MEMO1: variants seen among roughly 807,000 people sequenced by gnomAD.
MEMO1 encodes mediator of cell motility 1, also known as protein MEMO1.
In MEMO1, 6 loss-of-function variants were observed where a neutral mutation model predicts 45.2. The ratio of observed to expected loss-of-function variants is 0.13; its 90% confidence interval spans 0.07 to 0.26. MEMO1 has a LOEUF of 0.26. Ranked by LOEUF, MEMO1 falls within the 10% of genes least tolerant of loss-of-function variation. The probability of loss-of-function intolerance (pLI) is 1.00; values close to 1 mark genes in which losing one functional copy is unlikely to be tolerated. For synonymous variants in MEMO1, 78 were observed against 124.3 expected (o/e 0.63, Z 2.48); for missense variants, 184 against 370.5 (o/e 0.50, Z 4.13).
intron 6 of MEMO1, among the ~76,000 whole-genome samples, chr2:31,916,795 T>C (rs982615967): frequency 3.3e-5 from 5 of 152,206 alleles, no homozygotes; most frequent in African/African-American, 1.2e-4. Flanking sequence ...GTTATCATTG[T>C]GAGCAGAAGC....
chr2:31,902,630 G>T (rs934362924), intron 6 of MEMO1, among the ~76,000 whole-genome samples: 3 of 152,082 alleles, frequency 2.0e-5, no homozygotes, highest in Non-Finnish European at 4.4e-5. Flanking sequence ...TAACACAGAG[G>T]AATCTTTTAG....
At chr2:31,999,882 ATTTTTT>A (rs5830219) in intron 2 of MEMO1, among the ~76,000 whole-genome samples, 2 of 123,118 alleles carry the variant, frequency 1.6e-5, no homozygotes, top group African/African-American at 6.2e-5. Context: ...TGCATCAGGC[ATTTTTT>A]TTTTTTTTTT....
rs565873806 is a variant in MEMO1, at chr2:31,973,151, T to C, written c.62-29768A>G. Among the ~76,000 whole-genome samples, 278 of 152,220 alleles carry C rather than the reference T, an allele frequency of 1.8e-3. 2 individuals carry two copies. Among genetic ancestry groups the C allele is most frequent in the African/African-American group, 6.4e-3 (267 of 41,528 alleles). Reference sequence around the variant, plus strand: ...CCCACCAATTCCACTCTTAGGTATATATCTAAAAGAATTAAAAACAGGCTG... The same window carrying C: ...CCCACCAATTCCACTCTTAGGTATACATCTAAAAGAATTAAAAACAGGCTG... On this transcript the variant is annotated intron_variant, in intron 2 of 9. Coordinates refer to ENST00000404530, the MANE Select transcript of MEMO1 (RefSeq NM_001301833.4).
intron 2 of MEMO1, among the ~76,000 whole-genome samples, chr2:31,977,934 T>C (rs964580860): frequency 6.6e-6 from 1 of 152,198 alleles, no homozygotes; most frequent in Non-Finnish European, 1.5e-5. Flanking sequence ...GTTAATAATC[T>C]AGGATATTGC....
At chr2:31,937,101 C>T (rs1164153342) in intron 3 of MEMO1, among the ~76,000 whole-genome samples, 1 of 152,178 alleles carries the variant, frequency 6.6e-6, no homozygotes, top group Non-Finnish European at 1.5e-5. Context: ...CACATTGCCT[C>T]TCTCAATTTA....
At chr2:31,877,690 G>T (rs1674749556) in intron 8 of MEMO1, among the ~76,000 whole-genome samples, 1 of 152,158 alleles carries the variant, frequency 6.6e-6, no homozygotes, top group Non-Finnish European at 1.5e-5. Flanking sequence ...ACATACGTGT[G>T]TAAGTGTGTA....
chr2:31,924,417 T>A (rs1682778039), intron 4 of MEMO1, among the ~76,000 whole-genome samples: 1 of 149,816 alleles, frequency 6.7e-6, no homozygotes, highest in Admixed American at 6.7e-5. Flanking sequence ...AACTTTTCAA[T>A]ATTAGCACAT....
At chr2:31,994,785 C>A (rs946390867) in intron 2 of MEMO1, among the ~76,000 whole-genome samples, 1 of 150,914 alleles carries the variant, frequency 6.6e-6, no homozygotes, top group African/African-American at 2.4e-5. Flanking sequence ...CTGTCTCTAC[C>A]AAAAATACAA....
chr2:31,924,192 G>A (rs1234983112), intron 4 of MEMO1, among the ~76,000 whole-genome samples: 1 of 152,080 alleles, frequency 6.6e-6, no homozygotes, highest in Non-Finnish European at 1.5e-5. Context: ...TAAACCAGCC[G>A]TAATCTCAAA....
chr2:31,984,649 C>A (rs894325300), intron 2 of MEMO1, among the ~76,000 whole-genome samples: 1 of 151,972 alleles, frequency 6.6e-6, no homozygotes, highest in Admixed American at 6.6e-5. Flanking sequence ...AAAACACAAA[C>A]AAAAAAATTA....
At chr2:31,902,620 T>C (rs1253558287) in intron 6 of MEMO1, among the ~76,000 whole-genome samples, 1 of 152,238 alleles carries the variant, frequency 6.6e-6, no homozygotes, top group South Asian at 2.1e-4. Context: ...AATTCTTTAG[T>C]AACACAGAGG....
chr2:31,986,656 A>T (rs1671297711), intron 2 of MEMO1, among the ~76,000 whole-genome samples: 1 of 152,220 alleles, frequency 6.6e-6, no homozygotes. Flanking sequence ...AGAACAGTAA[A>T]CAAGACAGGC....
At chr2:31,925,377 G>C (rs919386040) in intron 4 of MEMO1, among the ~76,000 whole-genome samples, 1 of 148,996 alleles carries the variant, frequency 6.7e-6, no homozygotes, top group Non-Finnish European at 1.5e-5. Context: ...TCAGGAGGCT[G>C]AGGCAGGAGA....
chr2:31,918,151 A>G, intron 5 of MEMO1, 114 bp from the exon 6 acceptor site: 1 of 518,364 alleles, frequency 1.9e-6, no homozygotes, highest in East Asian at 3.3e-5. Context: ...CAGAAACACC[A>G]TATAATATTC....
chr2:31,954,650 T>C (rs1230473624), intron 2 of MEMO1, among the ~76,000 whole-genome samples: 3 of 151,902 alleles, frequency 2.0e-5, no homozygotes, highest in Admixed American at 2.0e-4. Flanking sequence ...CTGACCAACA[T>C]GGTGAAACTC....
At chr2:31,903,783 T>C (rs1572628742) in intron 6 of MEMO1, among the ~76,000 whole-genome samples, 1 of 152,312 alleles carries the variant, frequency 6.6e-6, no homozygotes, top group Non-Finnish European at 1.5e-5. Flanking sequence ...TGCAGAAATA[T>C]ACAAATAACT....
chr2:31,897,852 T>C (rs886706739), intron 6 of MEMO1, among the ~76,000 whole-genome samples: 8 of 150,318 alleles, frequency 5.3e-5, no homozygotes, highest in Non-Finnish European at 9.0e-5. Flanking sequence ...GGTCCTGGGC[T>C]TTTTGGTTGG....
chr2:31,868,235 G>C lies in MEMO1; in HGVS notation c.*126C>G, dbSNP rs879006531. 2.5e-5 allele frequency: 22 copies of C among 865,422 alleles called. 1 individual carries two copies. In the South Asian group the frequency reaches 1.0e-3, roughly 40 times the overall value. The allele number at this position is 865,422 out of a possible 1,614,324, so 53.6% of individuals were successfully genotyped here. A position where few individuals can be genotyped will look rare whatever the true frequency, so the allele number is the denominator to read the frequency against. On this transcript the variant is annotated 3_prime_UTR_variant, in exon 10 of 10. Transcript: ENST00000404530. ...CTACACCTACTAGAAAAAAAGAGAA[G>C]AAAGTTCTATTAGTTTGAGGTTTCA...
chr2:31,884,133 T>C (rs953674872), intron 7 of MEMO1, among the ~76,000 whole-genome samples: 16 of 152,102 alleles, frequency 1.1e-4, no homozygotes, highest in Admixed American at 5.2e-4. Context: ...TTCAATGTTT[T>C]GGCTATTCTC....
Sources: gnomAD v4.1 joint callset for allele counts (sites outside exome capture counted in the v4.1 genomes callset) on GRCh38, gnomAD v4.1.1 for gene constraint, MANE v1.5 for transcripts, NCBI Gene and HGNC (gene_info 2026-07-23, HGNC 2026-07-21) for gene names.